PLPP7: variants seen among roughly 807,000 people sequenced by gnomAD.
PLPP7 encodes inactive phospholipid phosphatase 7.
In PLPP7, 11 loss-of-function variants were observed where a neutral mutation model predicts 16.9. That is an observed-to-expected ratio of 0.65 (90% CI 0.41 to 1.08). The LOEUF (loss-of-function observed/expected upper bound fraction) is 1.08. PLPP7 is among the 50% of genes least tolerant of loss of function. PLPP7 has a pLI of 0.00. For synonymous variants in PLPP7, 174 were observed against 175.1 expected (o/e 0.99, Z 0.05); for missense variants, 358 against 397.1 (o/e 0.90, Z 0.84).
chr9:131,290,492 G>A lies in PLPP7; in HGVS notation c.451+44G>A. ...CGCCACTCACTGTCAGGCCCCTCGG[G>A]AGGCAGCCTGGCCTGCCCAACCCCA... On this transcript the variant is annotated intron_variant, in intron 1 of 1. Transcript: ENST00000372264. The surrounding 1 kb of genome is among the most constrained non-coding windows in gnomAD (Gnocchi z 4.2). 1 of 1,480,202 alleles carries A rather than the reference G, an allele frequency of 6.8e-7. No homozygotes were observed. Among genetic ancestry groups the A allele is most frequent in the Non-Finnish European group, 8.9e-7 (1 of 1,118,278 alleles). 91.7% of individuals were successfully genotyped at this position (1,480,202 alleles called of 1,614,324 possible). A position where few individuals can be genotyped will look rare whatever the true frequency, so the allele number is the denominator to read the frequency against.
intron 1 of PLPP7, among the ~76,000 whole-genome samples, chr9:131,291,824 C>T (rs998496144): frequency 1.3e-5 from 2 of 152,286 alleles, no homozygotes; most frequent in Admixed American, 6.5e-5. Flanking sequence ...TCAGGTGATC[C>T]ACCCGCCTTG....
rs112882584 is a variant in PLPP7 at position 131,290,780 on chromosome 9, G to A, written c.451+332G>A. Among the ~76,000 whole-genome samples the A allele has an allele frequency of 0.021, 3,177 of 152,276 alleles. 57 individuals carry two copies. Among genetic ancestry groups the A allele is most frequent in the Middle Eastern group, 0.061 (18 of 294 alleles). On this transcript the variant is annotated intron_variant, in intron 1 of 1. Transcript: ENST00000372264. The surrounding 1 kb of genome is among the most constrained non-coding windows in gnomAD (Gnocchi z 4.2). ...CAGAGGCGGTGGCCTCAAGGGAGACGGTCAGGGCTCTGGTGGGCATCCTGG... is the reference window on the plus strand; with the variant it reads ...CAGAGGCGGTGGCCTCAAGGGAGACAGTCAGGGCTCTGGTGGGCATCCTGG...
chr9:131,306,787 G>A (rs536741390), intron 1 of PLPP7, among the ~76,000 whole-genome samples: 1 of 152,200 alleles, frequency 6.6e-6, no homozygotes, highest in Admixed American at 6.5e-5. Flanking sequence ...GGGATGGGGA[G>A]TGGCTGCTTC....
intron 1 of PLPP7, 141 bp from the exon 2 acceptor site, chr9:131,307,782 G>A (rs893396090): frequency 2.4e-6 from 2 of 831,546 alleles, no homozygotes; most frequent in South Asian, 1.8e-5. Context: ...AGCCTGAGAG[G>A]GGACCCTGCC....
chr9:131,300,131 C>T lies in PLPP7; in HGVS notation c.452-7792C>T, dbSNP rs115736229. 7.7e-3 allele frequency among the ~76,000 whole-genome samples: 1,173 copies of T among 152,240 alleles called. 17 individuals carry two copies. The highest frequency in any genetic ancestry group is 0.027 in the African/African-American group (1,120 of 41,526). On this transcript the variant is annotated intron_variant, in intron 1 of 1. Transcript: ENST00000372264. ...GCTGGGAAGTCCAAGGCTGAGGGGC[C>T]GCATCTGGTGAGGGCCTTCTTGCTC... is the stretch of plus-strand genomic sequence containing the variant.
rs193234251 is a variant in PLPP7, at chr9:131,296,099, C to T, written c.451+5651C>T. On this transcript the variant is annotated intron_variant, in intron 1 of 1. Transcript: ENST00000372264. ...GTCCTACTGTTGCCCACAGCGGCTG[C>T]GTGATTTTACATTCCCCCAGCAATG... Among the ~76,000 whole-genome samples the T allele has an allele frequency of 1.3e-3, 204 of 152,238 alleles. 2 individuals carry two copies. Among genetic ancestry groups the T allele is most frequent in the Admixed American group, 1.1e-3 (17 of 15,286 alleles).
chr9:131,291,476 G>A, intron 1 of PLPP7: 3 of 1,003,112 alleles, frequency 3.0e-6, no homozygotes, highest in Non-Finnish European at 3.6e-6. Flanking sequence ...TGCTCTCTGG[G>A]TGGGACTCGG....
At chr9:131,293,282 T>C (rs1835702446) in intron 1 of PLPP7, among the ~76,000 whole-genome samples, 1 of 152,100 alleles carries the variant, frequency 6.6e-6, no homozygotes, top group Admixed American at 6.5e-5. Context: ...CTGGAGCGTG[T>C]GTGCTTTGCG....
At position 131,289,924 on chromosome 9, in the gene PLPP7, G is replaced by T. The variant is rs75017027; in HGVS notation, c.-74G>T. 0.026 allele frequency: 33,324 copies of T among 1,259,542 alleles called. 509 individuals are homozygous for T. Among genetic ancestry groups the T allele is most frequent in the Non-Finnish European group, 0.029 (28,736 of 978,346 alleles). 78.0% of individuals were successfully genotyped at this position (1,259,542 alleles called of 1,614,324 possible). A position where few individuals can be genotyped will look rare whatever the true frequency, so the allele number is the denominator to read the frequency against. On this transcript the variant is annotated 5_prime_UTR_variant, in exon 1 of 2. Transcript: ENST00000372264. ...GGCAGCCACGGTGGCGGCTCTGGGG[G>T]CAGCTCTTGTCTTCGGGGAGAAGGC...
chr9:131,291,599 C>T (rs1469244544), intron 1 of PLPP7, among the ~76,000 whole-genome samples: 2 of 150,470 alleles, frequency 1.3e-5, no homozygotes, highest in Non-Finnish European at 3.0e-5. Context: ...CTCTGTCACC[C>T]AGGCTGTAAG....
At chr9:131,296,261 G>A (rs907771892) in intron 1 of PLPP7, among the ~76,000 whole-genome samples, 12 of 150,506 alleles carry the variant, frequency 8.0e-5, no homozygotes, top group African/African-American at 2.9e-4. Flanking sequence ...TCGTTTTGGG[G>A]GTTTTAGTTT....
intron 1 of PLPP7, among the ~76,000 whole-genome samples, chr9:131,302,519 G>A (rs1835810281): frequency 6.6e-6 from 1 of 152,152 alleles, no homozygotes; most frequent in Admixed American, 6.5e-5. Flanking sequence ...ACGAAACCCG[G>A]GCATGGTCAG....
At chr9:131,293,241 G>T (rs1286300980) in intron 1 of PLPP7, among the ~76,000 whole-genome samples, 1 of 98,596 alleles carries the variant, frequency 1.0e-5, no homozygotes, top group Admixed American at 1.1e-4. Context: ...GGGGCTGCAG[G>T]TCGGGCATAT....
At chr9:131,298,118 C>T (rs1466988884) in intron 1 of PLPP7, among the ~76,000 whole-genome samples, 1 of 152,134 alleles carries the variant, frequency 6.6e-6, no homozygotes, top group Non-Finnish European at 1.5e-5. Flanking sequence ...CTGCAGTGAA[C>T]ATCCCGGGCC....
chr9:131,298,229 G>A (rs1315067707), intron 1 of PLPP7, among the ~76,000 whole-genome samples: 6 of 152,126 alleles, frequency 3.9e-5, no homozygotes, highest in African/African-American at 7.2e-5. Flanking sequence ...TTCTGATTCC[G>A]AAGCCAAATG....
In PLPP7 at chr9:131,289,920, G is replaced by A. The variant is rs1835643220; in HGVS notation, c.-78G>A. On this transcript the variant is annotated 5_prime_UTR_variant, in exon 1 of 2. Coordinates refer to ENST00000372264, the MANE Select transcript of PLPP7 (RefSeq NM_032728.4). ...GGGAGGCAGCCACGGTGGCGGCTCT[G>A]GGGGCAGCTCTTGTCTTCGGGGAGA... 4.8e-6 allele frequency: 6 copies of A among 1,238,924 alleles called. No individual in the cohort carries two copies. Among genetic ancestry groups the A allele is most frequent in the Non-Finnish European group, 6.2e-6 (6 of 961,132 alleles). 76.7% of individuals were successfully genotyped at this position (1,238,924 alleles called of 1,614,324 possible). A position where few individuals can be genotyped will look rare whatever the true frequency, so the allele number is the denominator to read the frequency against.
chr9:131,293,169 G>A (rs1184520041), intron 1 of PLPP7, among the ~76,000 whole-genome samples: 1 of 152,172 alleles, frequency 6.6e-6, no homozygotes, highest in African/African-American at 2.4e-5. Flanking sequence ...TAAGCGGTAG[G>A]TTCAGGAAGT....
At chr9:131,297,831 G>A (rs976657273) in intron 1 of PLPP7, among the ~76,000 whole-genome samples, 1 of 152,176 alleles carries the variant, frequency 6.6e-6, no homozygotes, top group Non-Finnish European at 1.5e-5. Context: ...TAGAGCAGTA[G>A]CTTCTAGATT....
intron 1 of PLPP7, among the ~76,000 whole-genome samples, chr9:131,302,297 T>C (rs1274563121): frequency 1.3e-5 from 2 of 152,130 alleles, no homozygotes; most frequent in African/African-American, 4.8e-5. Context: ...CAGGCCATTT[T>C]TGGGGAAGTG....
Sources: gnomAD v4.1 joint callset for allele counts (sites outside exome capture counted in the v4.1 genomes callset) on GRCh38, gnomAD v4.1.1 for gene constraint, Gnocchi (gnomAD v3.1) non-coding constraint, MANE v1.5 for transcripts, NCBI Gene and HGNC (gene_info 2026-07-23, HGNC 2026-07-21) for gene names.